The following GABRG3 variants were observed in gnomAD, a reference collection of about 807,000 sequenced individuals.
The protein encoded by GABRG3 is gamma-aminobutyric acid receptor subunit gamma-3.
Under a neutral mutation model 48.8 loss-of-function variants are expected in GABRG3, and 25 were observed. That is an observed-to-expected ratio of 0.51 (90% CI 0.37 to 0.72). GABRG3 has a LOEUF of 0.72. Ranked by LOEUF, GABRG3 falls within the 30% of genes least tolerant of loss-of-function variation. The pLI, the probability that GABRG3 is intolerant of heterozygous loss-of-function variation, is 0.00. For missense variants in GABRG3, 394 were observed against 577.9 expected (o/e 0.68, Z 3.26); for synonymous variants, 227 against 217.6 (o/e 1.04, Z -0.38).
At chr15:27,134,318 C>T (rs1287412771) in intron 3 of GABRG3, among the ~76,000 whole-genome samples, 1 of 152,170 alleles carries the variant, frequency 6.6e-6, no homozygotes, top group East Asian at 1.9e-4. Flanking sequence ...CAGCCCTTGT[C>T]CTAGACATGC....
chr15:27,020,638 C>T (rs1379728440), intron 2 of GABRG3, among the ~76,000 whole-genome samples: 1 of 151,864 alleles, frequency 6.6e-6, no homozygotes, highest in Admixed American at 6.6e-5. Context: ...AGGATGGTCT[C>T]GATCTCCCGA....
chr15:27,059,663 C>T lies in GABRG3; in HGVS notation c.270+32842C>T, dbSNP rs182252892. On this transcript the variant is annotated intron_variant, in intron 3 of 9. Coordinates refer to ENST00000615808, the MANE Select transcript of GABRG3 (RefSeq NM_033223.5). Reference sequence around the variant, plus strand: ...ATGTCCAAGAGAGGAGACATGTGTTCCAAGACTGTGGTCCTGAGATGGCAT... The same window carrying T: ...ATGTCCAAGAGAGGAGACATGTGTTTCAAGACTGTGGTCCTGAGATGGCAT... Among the ~76,000 whole-genome samples, 149 of 152,320 alleles carry T rather than the reference C, an allele frequency of 9.8e-4. 1 individual carries two copies. In the Middle Eastern group the frequency reaches 0.014, roughly 14 times the overall value.
chr15:27,358,043 C>T, intron 5 of GABRG3, among the ~76,000 whole-genome samples: 1 of 152,128 alleles, frequency 6.6e-6, no homozygotes, highest in Non-Finnish European at 1.5e-5. Context: ...TATTAGTCTC[C>T]CAACCAATTG....
chr15:27,259,395 G>T (rs1890709156), intron 3 of GABRG3, among the ~76,000 whole-genome samples: 1 of 152,186 alleles, frequency 6.6e-6, no homozygotes, highest in African/African-American at 2.4e-5. Flanking sequence ...ATGTCCTTTG[G>T]TAGGGTGAGC....
intron 3 of GABRG3, among the ~76,000 whole-genome samples, chr15:27,233,494 TC>T (rs1291480520): frequency 6.6e-6 from 1 of 152,092 alleles, no homozygotes; most frequent in Non-Finnish European, 1.5e-5. Context: ...GTGAGGCCCC[TC>T]CAGGTGTGCA....
intron 3 of GABRG3, among the ~76,000 whole-genome samples, chr15:27,167,624 C>T (rs1331753301): frequency 6.6e-6 from 1 of 152,176 alleles, no homozygotes; most frequent in Non-Finnish European, 1.5e-5. Flanking sequence ...CAAGGGCGCC[C>T]ACCTGGAGTG....
At chr15:27,307,013 C>A (rs1365889591) in intron 3 of GABRG3, among the ~76,000 whole-genome samples, 1 of 97,118 alleles carries the variant, frequency 1.0e-5, no homozygotes, top group African/African-American at 5.1e-5. Flanking sequence ...CATGTATAAA[C>A]ATGTTTATAT....
intron 3 of GABRG3, among the ~76,000 whole-genome samples, chr15:27,030,627 A>G (rs1896066328): frequency 2.0e-5 from 3 of 152,180 alleles, no homozygotes; most frequent in Admixed American, 1.3e-4. Flanking sequence ...GGGGCTTGTG[A>G]GTTTATTTTT....
At chr15:27,270,743 C>T (rs1416301819) in intron 3 of GABRG3, among the ~76,000 whole-genome samples, 1 of 152,020 alleles carries the variant, frequency 6.6e-6, no homozygotes, top group Admixed American at 6.6e-5. Context: ...AGAGTTATCA[C>T]CAAAAAGAAA....
chr15:27,058,643 A>G (rs1896594069), intron 3 of GABRG3, among the ~76,000 whole-genome samples: 1 of 151,584 alleles, frequency 6.6e-6, no homozygotes, highest in Admixed American at 6.6e-5. Flanking sequence ...TTTTTTTCAA[A>G]GTCAAATTGC....
rs1403998205 is a variant in GABRG3, at chr15:27,236,098, A to G, written c.271-90711A>G. 6.6e-6 allele frequency among the ~76,000 whole-genome samples: 1 copy of G among 152,130 alleles called. No homozygotes were observed. Among genetic ancestry groups the G allele is most frequent in the East Asian group, 1.9e-4 (1 of 5,176 alleles). The stretch of plus-strand genomic sequence containing the variant: ...TAGCATATTCTGGTCTCCTAGTTAT[A>G]TATATTTTTGGCTGGTGTGTCCTGA... On this transcript the variant is annotated intron_variant, in intron 3 of 9. Coordinates refer to ENST00000615808, the MANE Select transcript of GABRG3 (RefSeq NM_033223.5). This position sits in a 1 kb window ranked among gnomAD's most constrained non-coding sequence, Gnocchi z 4.4.
intron 2 of GABRG3, among the ~76,000 whole-genome samples, chr15:27,002,775 A>T (rs1189672604): frequency 6.8e-6 from 1 of 146,356 alleles, no homozygotes; most frequent in African/African-American, 2.5e-5. Flanking sequence ...GAAGGAAGGA[A>T]GGAAGGAAAG....
At chr15:27,395,250 C>A (rs1313292185) in intron 5 of GABRG3, among the ~76,000 whole-genome samples, 1 of 152,156 alleles carries the variant, frequency 6.6e-6, no homozygotes, top group Non-Finnish European at 1.5e-5. Flanking sequence ...GCTGTTGAAT[C>A]CTTCTTGTGG....
intron 6 of GABRG3, among the ~76,000 whole-genome samples, chr15:27,510,556 G>T (rs528767194): frequency 1.8e-4 from 28 of 152,324 alleles, no homozygotes; most frequent in African/African-American, 6.5e-4. Flanking sequence ...CCCATGGGGA[G>T]GCTTTCTCAG....
intron 3 of GABRG3, among the ~76,000 whole-genome samples, chr15:27,041,145 C>T (rs940903652): frequency 5.3e-5 from 8 of 152,162 alleles, no homozygotes; most frequent in South Asian, 4.1e-4. Flanking sequence ...TATAAAACTC[C>T]TATAATTTTT....
chr15:27,394,969 G>A (rs1887257513), intron 5 of GABRG3, among the ~76,000 whole-genome samples: 1 of 152,030 alleles, frequency 6.6e-6, no homozygotes, highest in Non-Finnish European at 1.5e-5. Flanking sequence ...AATTTGTCAG[G>A]CCTCTTGGAT....
At chr15:27,026,207 G>A (rs1221871952) in intron 2 of GABRG3, among the ~76,000 whole-genome samples, 1 of 152,214 alleles carries the variant, frequency 6.6e-6, no homozygotes, top group Non-Finnish European at 1.5e-5. Context: ...GTATCTTTAA[G>A]TTATATTGAT....
chr15:27,316,174 G>A (rs888469885), intron 3 of GABRG3, among the ~76,000 whole-genome samples: 1 of 152,050 alleles, frequency 6.6e-6, no homozygotes, highest in Non-Finnish European at 1.5e-5. Flanking sequence ...CACGAGGTCA[G>A]GAAATCGAGA....
At chr15:27,512,566 C>T (rs1007881438) in intron 6 of GABRG3, among the ~76,000 whole-genome samples, 2 of 152,108 alleles carry the variant, frequency 1.3e-5, no homozygotes, top group African/African-American at 4.8e-5. Context: ...CTAAAGTTCC[C>T]GAAAGTAGTC....
Sources: allele counts gnomAD v4.1 joint callset (sites outside exome capture counted in the v4.1 genomes callset), GRCh38; gene constraint gnomAD v4.1.1; non-coding constraint Gnocchi (gnomAD v3.1); transcripts MANE v1.5; gene names NCBI Gene and HGNC (gene_info 2026-07-23, HGNC 2026-07-21).